Variants in MYO1E observed in about 807,000 individuals in gnomAD.
MYO1E encodes the protein myosin IE, also known as unconventional myosin-Ie.
MYO1E carries 68 observed loss-of-function variants against 151.1 expected under a neutral mutation model. The ratio of observed to expected loss-of-function variants is 0.45; its 90% CI spans 0.37 to 0.55. MYO1E has a LOEUF of 0.55. Ranked by LOEUF, MYO1E falls within the 20% of genes least tolerant of loss-of-function variation. The pLI, the probability that MYO1E is intolerant of heterozygous loss-of-function variation, is 0.00. For missense variants in MYO1E, 1,363 were observed against 1,389.3 expected, an observed-to-expected ratio of 0.98 and a Z score of 0.30; for synonymous variants, 601 against 501.7, an observed-to-expected ratio of 1.20 and a Z score of -2.64.
chr15:59,196,927 C>T (rs1348736487), intron 16 of MYO1E, among the ~76,000 whole-genome samples: 2 of 150,656 alleles, frequency 1.3e-5, no homozygotes, highest in Non-Finnish European at 3.0e-5. Context: ...TCTTAAAATC[C>T]CCAAATTCTT....
chr15:59,351,538 T>C (rs2080823165), intron 1 of MYO1E, among the ~76,000 whole-genome samples: 1 of 151,888 alleles, frequency 6.6e-6, no homozygotes, highest in South Asian at 2.1e-4. Context: ...GAACTGAGAG[T>C]TTTTGAGGAA....
At chr15:59,302,834 C>T (rs1256665262) in intron 1 of MYO1E, among the ~76,000 whole-genome samples, 1 of 152,124 alleles carries the variant, frequency 6.6e-6, no homozygotes, top group Non-Finnish European at 1.5e-5. Context: ...AAGACACTTG[C>T]CAATTTAGAA....
intron 9 of MYO1E, among the ~76,000 whole-genome samples, 199 bp downstream of exon 9, chr15:59,222,860 G>C (rs1259334092): frequency 1.3e-5 from 2 of 152,200 alleles, no homozygotes; most frequent in African/African-American, 2.4e-5. Flanking sequence ...ACTTGGAAAG[G>C]CTGGGGGTAA....
intron 1 of MYO1E, among the ~76,000 whole-genome samples, chr15:59,300,069 AGGGCATTTGAGC>A (rs2080472864): frequency 6.6e-6 from 1 of 152,130 alleles, no homozygotes; most frequent in South Asian, 2.1e-4. Context: ...AGAAGCTAAA[AGGGCATTTGAGC>A]AACTGTTCAC....
At chr15:59,269,282 C>T (rs1337692803) in intron 2 of MYO1E, among the ~76,000 whole-genome samples, 1 of 152,090 alleles carries the variant, frequency 6.6e-6, no homozygotes, top group Non-Finnish European at 1.5e-5. Flanking sequence ...ATTATTACTC[C>T]CATTTTACAG....
At chr15:59,236,415 CACACAAACACACAT>C (rs2080066574) in intron 5 of MYO1E, among the ~76,000 whole-genome samples, 156 bp downstream of exon 5, 1 of 137,348 alleles carries the variant, frequency 7.3e-6, no homozygotes, top group African/African-American at 2.7e-5. Context: ...CACACACACA[CACACAAACACACAT>C]ACATATGCTA....
At chr15:59,200,924 C>T (rs1416282127) in intron 16 of MYO1E, among the ~76,000 whole-genome samples, 1 of 152,106 alleles carries the variant, frequency 6.6e-6, no homozygotes, top group Non-Finnish European at 1.5e-5. Context: ...AGCTGAGATT[C>T]GAACACAGGC....
intron 1 of MYO1E, among the ~76,000 whole-genome samples, chr15:59,335,080 C>G (rs551609155): frequency 1.2e-4 from 18 of 152,328 alleles, no homozygotes; most frequent in African/African-American, 4.3e-4. Context: ...AACATTCACA[C>G]CACACTGGGT....
At chr15:59,261,883 T>G (rs1331442823) in intron 2 of MYO1E, among the ~76,000 whole-genome samples, 1 of 152,208 alleles carries the variant, frequency 6.6e-6, no homozygotes, top group African/African-American at 2.4e-5. Flanking sequence ...TCCTTTGAAC[T>G]TTCGTATCCG....
chr15:59,267,620 G>A (rs1412485129), intron 2 of MYO1E, among the ~76,000 whole-genome samples: 3 of 152,176 alleles, frequency 2.0e-5, no homozygotes, highest in Non-Finnish European at 2.9e-5. Flanking sequence ...CCTAATTCAA[G>A]GATTAAAAAT....
At chr15:59,268,049 G>T (rs1566997111) in intron 2 of MYO1E, among the ~76,000 whole-genome samples, 2 of 152,122 alleles carry the variant, frequency 1.3e-5, no homozygotes, top group Admixed American at 1.3e-4. Flanking sequence ...GGGATAAAGT[G>T]AGCAATTTTA....
At chr15:59,140,526 C>A (rs1232377012) in intron 26 of MYO1E, among the ~76,000 whole-genome samples, 1 of 152,174 alleles carries the variant, frequency 6.6e-6, no homozygotes, top group African/African-American at 2.4e-5. Context: ...TGGACCTCAA[C>A]AGGGTGGGGC....
rs148980891 is a variant in MYO1E, at chr15:59,246,080, G to A, written c.333-9408C>T. Reference sequence around the variant, plus strand: ...ACAGGTACCTACCAAGCCTTCAGGTGCTCATTATCATTCTTTTTTTAAATT... The same window carrying A: ...ACAGGTACCTACCAAGCCTTCAGGTACTCATTATCATTCTTTTTTTAAATT... On this transcript the variant is annotated intron_variant, in intron 4 of 27. Transcript: ENST00000288235. Among the ~76,000 whole-genome samples the A allele has an allele frequency of 1.7e-3, 253 of 152,058 alleles. 1 individual carries two copies. Among genetic ancestry groups the A allele is most frequent in the African/African-American group, 5.9e-3 (245 of 41,506 alleles).
chr15:59,293,521 G>A (rs981801150), intron 1 of MYO1E, among the ~76,000 whole-genome samples: 1 of 151,706 alleles, frequency 6.6e-6, no homozygotes, highest in East Asian at 1.9e-4. Context: ...ACTCCAGCCT[G>A]GGTGACAGAG....
chr15:59,166,285 C>G (rs1309925222), intron 22 of MYO1E, among the ~76,000 whole-genome samples: 1 of 152,180 alleles, frequency 6.6e-6, no homozygotes, highest in African/African-American at 2.4e-5. Flanking sequence ...TTTATTTATT[C>G]TAAAAAGTCA....
Position 59,231,773 on chromosome 15 carries a change from G to C in MYO1E, c.439C>G (p.Leu147Val), listed in dbSNP as rs778336327. 3 of 1,614,160 alleles carry C rather than the reference G, an allele frequency of 1.9e-6. No homozygotes were observed. Among genetic ancestry groups the C allele is most frequent in the South Asian group, 1.1e-5 (1 of 91,086 alleles). Residue 147 changes from leucine (L) to valine (V), a missense_variant, in exon 6 of 28, where the codon CTG (leucine) becomes GTG (valine). Coordinates refer to ENST00000288235, the MANE Select transcript of MYO1E (RefSeq NM_004998.4). Reference sequence around the variant, plus strand: ...GCCTCCAGCAGCGGGTTGGACTGCAGGATAATGTCCTTCACGTGCTGTCCC... The same window carrying C: ...GCCTCCAGCAGCGGGTTGGACTGCACGATAATGTCCTTCACGTGCTGTCCC... ...TKVQHVKDII[L>V]QSNPLLEAFG...
chr15:59,259,534 T>G (rs1486571566), intron 3 of MYO1E, among the ~76,000 whole-genome samples: 1 of 152,178 alleles, frequency 6.6e-6, no homozygotes, highest in African/African-American at 2.4e-5. Flanking sequence ...TACCCTCATT[T>G]TGGGTTTCTG....
rs542231326 is a variant in MYO1E, at chr15:59,151,925, G to A, written c.3080+1665C>T. Among the ~76,000 whole-genome samples the A allele has an allele frequency of 1.5e-4, 22 of 149,936 alleles. No homozygotes were observed. In the South Asian group the frequency reaches 3.3e-3, roughly 23 times the overall value. ...ACACACACACACACACAAATTAGCCGGGCATGGTGGCAGGCGCCTGTAGTC... is the reference window on the plus strand; with the variant it reads ...ACACACACACACACACAAATTAGCCAGGCATGGTGGCAGGCGCCTGTAGTC... On this transcript the variant is annotated intron_variant, in intron 26 of 27. Transcript: ENST00000288235.
Position 59,302,380 on chromosome 15 carries a change from C to T in MYO1E, c.4-29931G>A, listed in dbSNP as rs1567008443. Among the ~76,000 whole-genome samples the T allele has an allele frequency of 1.3e-5, 2 of 152,282 alleles. 1 individual carries two copies. Among genetic ancestry groups the T allele is most frequent in the South Asian group, 4.1e-4 (2 of 4,824 alleles). ...GCAAAAGAATGCTGACAAGGTGAGA[C>T]GCGGGGCAGTGTGCTGGGTAGACAA... On this transcript the variant is annotated intron_variant, in intron 1 of 27. Transcript: ENST00000288235.
Sources: gnomAD v4.1 joint callset for allele counts (sites outside exome capture counted in the v4.1 genomes callset) on GRCh38, gnomAD v4.1.1 for gene constraint, MANE v1.5 for transcripts, NCBI Gene and HGNC (gene_info 2026-07-23, HGNC 2026-07-21) for gene names.